GALNT17: variants seen among roughly 807,000 people sequenced by gnomAD.
The protein encoded by GALNT17 is polypeptide N-acetylgalactosaminyltransferase 17.
In GALNT17, 29 loss-of-function variants were observed where a neutral mutation model predicts 63.7. That is an observed-to-expected ratio of 0.46 (90% CI 0.34 to 0.62). The LOEUF (loss-of-function observed/expected upper bound fraction) is 0.62, where lower values mean the gene tolerates loss of function less well. Ranked by LOEUF, GALNT17 falls within the 20% of genes least tolerant of loss-of-function variation. GALNT17 has a pLI of 0.01. For synonymous variants in GALNT17, 305 were observed against 318.3 expected, an observed-to-expected ratio of 0.96 and a Z score of 0.45; for missense variants, 603 against 799.6, an observed-to-expected ratio of 0.75 and a Z score of 2.97.
chr7:71,502,624 T>C (rs1788199208), intron 5 of GALNT17, among the ~76,000 whole-genome samples: 1 of 152,150 alleles, frequency 6.6e-6, no homozygotes, highest in Non-Finnish European at 1.5e-5. Flanking sequence ...CAGAAAATGA[T>C]GCCCAAGGAG....
chr7:71,531,932 C>T (rs1437173830), intron 5 of GALNT17, among the ~76,000 whole-genome samples: 1 of 152,204 alleles, frequency 6.6e-6, no homozygotes, highest in Non-Finnish European at 1.5e-5. Flanking sequence ...TAGGAAGCAG[C>T]TTCCAATCCC....
intron 1 of GALNT17, among the ~76,000 whole-genome samples, chr7:71,195,507 A>G (rs926763353): frequency 3.3e-5 from 5 of 152,002 alleles, no homozygotes; most frequent in Admixed American, 6.6e-5. Flanking sequence ...TGAGTCTCCT[A>G]TAGCTGGGAC....
intron 5 of GALNT17, among the ~76,000 whole-genome samples, chr7:71,438,725 T>C (rs564877492): frequency 6.6e-6 from 1 of 152,200 alleles, no homozygotes; most frequent in Non-Finnish European, 1.5e-5. Context: ...CAATTCTCTA[T>C]TCTACAATGC....
chr7:71,201,748 C>T (rs117404958), intron 1 of GALNT17, among the ~76,000 whole-genome samples: 2,868 of 152,072 alleles, frequency 0.019, 41 homozygotes, highest in Non-Finnish European at 0.03. Flanking sequence ...TCGCCTCCCT[C>T]ACCCTTCCGA....
intron 3 of GALNT17, among the ~76,000 whole-genome samples, chr7:71,410,171 C>T (rs947418747): frequency 6.6e-6 from 1 of 152,038 alleles, no homozygotes; most frequent in Non-Finnish European, 1.5e-5. Flanking sequence ...TATGATGAAA[C>T]AGGTCAGAGA....
At position 71,526,837 on chromosome 7, in the gene GALNT17, T is replaced by C. The variant is rs375075112; in HGVS notation, c.963-44448T>C. Among the ~76,000 whole-genome samples, 3 of 152,270 alleles carry C rather than the reference T, an allele frequency of 2.0e-5. No homozygotes were observed. The East Asian group carries it at 5.8e-4, about 29-fold the overall frequency. On this transcript the variant is annotated intron_variant, in intron 5 of 10. Transcript: ENST00000333538. ...CCAATTACGTGTGATTTAAATCCCC[T>C]CCCTGACTGCCAGTGTCCAGATACA...
intron 3 of GALNT17, among the ~76,000 whole-genome samples, chr7:71,393,548 G>GC (rs567669646): frequency 4.6e-5 from 7 of 151,622 alleles, no homozygotes; most frequent in African/African-American, 1.7e-4. Flanking sequence ...CATAATCAGT[G>GC]CCCCCCTTTT....
intron 5 of GALNT17, among the ~76,000 whole-genome samples, chr7:71,536,530 C>G (rs201444598): frequency 4.8e-4 from 73 of 152,282 alleles, no homozygotes; most frequent in Admixed American, 9.8e-4. Context: ...GCACTTCTTA[C>G]ATGGCGATGG....
chr7:71,358,973 C>T (rs763826370), intron 2 of GALNT17, among the ~76,000 whole-genome samples: 3 of 152,110 alleles, frequency 2.0e-5, no homozygotes, highest in Non-Finnish European at 4.4e-5. Flanking sequence ...TGGGGTTTCG[C>T]CATGCTGGCC....
At chr7:71,567,065 C>T (rs944453518) in intron 5 of GALNT17, among the ~76,000 whole-genome samples, 2 of 152,286 alleles carry the variant, frequency 1.3e-5, no homozygotes, top group African/African-American at 4.8e-5. Context: ...CAGGAGAAAC[C>T]TAATTCCAAG....
At chr7:71,668,617 GTT>G in intron 7 of GALNT17, among the ~76,000 whole-genome samples, 1 of 150,170 alleles carries the variant, frequency 6.7e-6, no homozygotes, top group Non-Finnish European at 1.5e-5. Flanking sequence ...GGTTGAATAA[GTT>G]TGACATTTAA....
intron 2 of GALNT17, among the ~76,000 whole-genome samples, chr7:71,366,135 G>A (rs763726945): frequency 2.0e-4 from 31 of 152,228 alleles, no homozygotes; most frequent in African/African-American, 3.6e-4. Context: ...AGGTGGTCAC[G>A]TGAGTAGATG....
rs751402662 is a variant in GALNT17, at chr7:71,423,080, G to A, written c.962+1975G>A. On this transcript the variant is annotated intron_variant, in intron 5 of 10. Coordinates refer to ENST00000333538, the MANE Select transcript of GALNT17 (RefSeq NM_022479.3). ...GTTCTGCTCCTCTCAACGTCCAGCC[G>A]CTTGTGTCTGTGCCCACTGTGGTCC... is the stretch of plus-strand genomic sequence containing the variant. Among the ~76,000 whole-genome samples the A allele has an allele frequency of 1.6e-4, 25 of 152,180 alleles. 1 individual carries two copies. The highest frequency in any genetic ancestry group is 3.1e-4 in the Non-Finnish European group (21 of 68,036).
intron 9 of GALNT17, 54 bp from the exon 10 acceptor site, chr7:71,710,707 T>C: frequency 1.3e-6 from 2 of 1,594,814 alleles, no homozygotes; most frequent in South Asian, 2.2e-5. Context: ...CTTCCTCCCA[T>C]GTCTCACTCC....
chr7:71,219,015 T>G (rs1585889873), intron 1 of GALNT17, among the ~76,000 whole-genome samples: 1 of 152,192 alleles, frequency 6.6e-6, no homozygotes, highest in East Asian at 1.9e-4. Flanking sequence ...CTATGAAACT[T>G]GTCCCTGGTG....
chr7:71,151,688 A>C (rs1230348669), intron 1 of GALNT17, among the ~76,000 whole-genome samples: 1 of 152,060 alleles, frequency 6.6e-6, no homozygotes, highest in African/African-American at 2.4e-5. Context: ...TACTCTATTT[A>C]CAGGATGATG....
intron 6 of GALNT17, among the ~76,000 whole-genome samples, chr7:71,621,536 T>TGAA (rs71089966): frequency 8.1e-6 from 1 of 123,724 alleles, no homozygotes; most frequent in African/African-American, 3.7e-5. Context: ...GATGGATGGA[T>TGAA]TGATGGATTG....
At chr7:71,519,663 C>T (rs780070018) in intron 5 of GALNT17, among the ~76,000 whole-genome samples, 16 of 152,024 alleles carry the variant, frequency 1.1e-4, no homozygotes, top group Non-Finnish European at 1.6e-4. Flanking sequence ...GAGATTTTAC[C>T]GTATTGGCCA....
intron 1 of GALNT17, among the ~76,000 whole-genome samples, chr7:71,160,909 G>A (rs897730908): frequency 3.9e-5 from 6 of 152,056 alleles, no homozygotes; most frequent in Admixed American, 6.5e-5. Flanking sequence ...GTGATGACTC[G>A]TAGCTCATTG....
Sources: gnomAD v4.1 joint callset for allele counts (sites outside exome capture counted in the v4.1 genomes callset) on GRCh38, gnomAD v4.1.1 for gene constraint, MANE v1.5 for transcripts, NCBI Gene and HGNC (gene_info 2026-07-23, HGNC 2026-07-21) for gene names.